The following SLC8A2 variants were observed in gnomAD, a reference collection of about 807,000 sequenced individuals.
SLC8A2 encodes sodium/calcium exchanger 2.
Under a neutral mutation model 70.2 loss-of-function variants are expected in SLC8A2, and 14 were observed. The ratio of observed to expected loss-of-function variants is 0.20; its 90% CI spans 0.13 to 0.31. The LOEUF (loss-of-function observed/expected upper bound fraction) is 0.31. Ranked by LOEUF, SLC8A2 falls within the 10% of genes least tolerant of loss-of-function variation. SLC8A2 has a pLI of 1.00. For synonymous variants in SLC8A2, 575 were observed against 594.3 expected (o/e 0.97, Z 0.47); for missense variants, 779 against 1,320.1 (o/e 0.59, Z 6.35).
At position 47,448,389 on chromosome 19, in the gene SLC8A2, G is replaced by C. The variant is rs1251761764; in HGVS notation, c.1341-158C>G. ...ACAGGCATTAAACAAGTAATACTGA[G>C]GGTGAATCGGGGTGGGCGTCCTGGA... On this transcript the variant is annotated intron_variant, in intron 3 of 9. Coordinates refer to ENST00000236877, the MANE Select transcript of SLC8A2 (RefSeq NM_015063.3). The surrounding 1 kb of genome is among the most constrained non-coding windows in gnomAD (Gnocchi z 4.8). 6.6e-6 allele frequency among the ~76,000 whole-genome samples: 1 copy of C among 152,210 alleles called. No individual in the cohort carries two copies. The highest frequency in any genetic ancestry group is 1.5e-5 in the Non-Finnish European group (1 of 68,030).
At position 47,430,528 on chromosome 19, in the gene SLC8A2, C is replaced by T. The variant is rs922555127; in HGVS notation, c.2390-63G>A. 14 of 1,460,310 alleles carry T rather than the reference C, an allele frequency of 9.6e-6. No individual in the cohort carries two copies. In the African/African-American group the frequency reaches 9.8e-5, roughly 10 times the overall value. 90.5% of individuals were successfully genotyped at this position (1,460,310 alleles called of 1,614,324 possible). On this transcript the variant is annotated intron_variant, in intron 9 of 9. Transcript: ENST00000236877. The surrounding 1 kb of genome is among the most constrained non-coding windows in gnomAD (Gnocchi z 5.9). Reference sequence around the variant, plus strand: ...GCCGCCACCCACAGGGGCGGGCATCCGCCTGCCCCCTCCCAGCCTTTCCCG... The same window carrying T: ...GCCGCCACCCACAGGGGCGGGCATCTGCCTGCCCCCTCCCAGCCTTTCCCG...
At chr19:47,452,443 AGAGTGTGTGTGTGT>A (rs1967254169) in intron 3 of SLC8A2, among the ~76,000 whole-genome samples, 2 of 55,726 alleles carry the variant, frequency 3.6e-5, no homozygotes, top group East Asian at 5.2e-4. Context: ...AGAGAGAGAG[AGAGTGTGTGTGTGT>A]GTGTGTGTGT....
In SLC8A2 at chr19:47,432,895, C is replaced by T. The variant is rs1966983073; in HGVS notation, c.2111-450G>A. ...GCCCAGGTGACAAATATTTATTTTCCCAGAATCCCTTGCACCTAAATGTGG... is the reference window on the plus strand; with the variant it reads ...GCCCAGGTGACAAATATTTATTTTCTCAGAATCCCTTGCACCTAAATGTGG... On this transcript the variant is annotated intron_variant, in intron 8 of 9. Transcript: ENST00000236877. The surrounding 1 kb of genome is among the most constrained non-coding windows in gnomAD (Gnocchi z 6.2). 6.6e-6 allele frequency among the ~76,000 whole-genome samples: 1 copy of T among 152,000 alleles called. No homozygotes were observed. The highest frequency in any genetic ancestry group is 6.6e-5 in the Admixed American group (1 of 15,254).
At chr19:47,452,427 AGAGAGAGAGAGAGAGAGAGTGTGT>A (rs1464748486) in intron 3 of SLC8A2, among the ~76,000 whole-genome samples, 100 of 120,558 alleles carry the variant, frequency 8.3e-4, no homozygotes, top group African/African-American at 2.3e-3. Flanking sequence ...AGAGAGAGAG[AGAGAGAGAGAGAGAGAGAGTGTGT>A]GTGTGTGTGT....
Position 47,468,037 on chromosome 19 carries a change from C to A in SLC8A2, c.-16-1618G>T, listed in dbSNP as rs1967486121. 6.6e-6 allele frequency among the ~76,000 whole-genome samples: 1 copy of A among 151,740 alleles called. No individual in the cohort carries two copies. Among genetic ancestry groups the A allele is most frequent in the South Asian group, 2.1e-4 (1 of 4,806 alleles). ...AAAACAAAACCAAAAACAAAGCCCA[C>A]AAATCAGCTTGCCTCATCCCCCTAC... On this transcript the variant is annotated intron_variant, in intron 1 of 9. Coordinates refer to ENST00000236877, the MANE Select transcript of SLC8A2 (RefSeq NM_015063.3). The surrounding 1 kb of genome is among the most constrained non-coding windows in gnomAD (Gnocchi z 5.1).
At chr19:47,441,244 C>T in intron 5 of SLC8A2, 58 bp from the exon 6 acceptor site, 1 of 1,608,166 alleles carries the variant, frequency 6.2e-7, no homozygotes, top group East Asian at 2.2e-5. Flanking sequence ...AGCTCAGGTC[C>T]ACGAGCTTTA....
At chr19:47,470,828 G>A (rs1336866792) in intron 1 of SLC8A2, among the ~76,000 whole-genome samples, 1 of 152,178 alleles carries the variant, frequency 6.6e-6, no homozygotes, top group South Asian at 2.1e-4. Flanking sequence ...AAACAAGGCA[G>A]GGGGAGGTGG....
In SLC8A2 at chr19:47,457,445, G is replaced by A. The variant is rs746285282; in HGVS notation, c.825C>T (p.Asp275=). ...RSGIIIGAEG[D]PPKSIELDGT... is the part of the protein sequence containing the mutation. ...CGTCCAGCTCGATGCTCTTCGGGGG[G>A]TCGCCCTCGGCGCCTATGATGATGC... The change falls in exon 3 of 10, where the codon GAC becomes GAT. Residue 275 remains aspartate (D), a synonymous_variant. Coordinates refer to ENST00000236877, the MANE Select transcript of SLC8A2 (RefSeq NM_015063.3). The A allele has an allele frequency of 7.8e-5, 125 of 1,605,310 alleles. No homozygotes were observed. The highest frequency in any genetic ancestry group is 3.3e-4 in the Middle Eastern group (2 of 6,020).
chr19:47,455,429 A>AAAC (rs1967292764), intron 3 of SLC8A2, among the ~76,000 whole-genome samples: 1 of 152,138 alleles, frequency 6.6e-6, no homozygotes, highest in African/African-American at 2.4e-5. Flanking sequence ...ATCAGTGTTT[A>AAAC]CTTCCTAACT....
chr19:47,458,250 C>T (rs562811230), intron 2 of SLC8A2, among the ~76,000 whole-genome samples: 114 of 134,924 alleles, frequency 8.4e-4, no homozygotes, highest in African/African-American at 3.1e-3. Context: ...TCTCTCTCCC[C>T]TCTCCCCCAA....
At chr19:47,441,755 A>C (rs1967102501) in intron 4 of SLC8A2, among the ~76,000 whole-genome samples, 1 of 152,198 alleles carries the variant, frequency 6.6e-6, no homozygotes, top group African/African-American at 2.4e-5. Flanking sequence ...CAGGAGTTCA[A>C]GACCAGCCTG....
At chr19:47,464,730 G>A (rs1201325043) in intron 2 of SLC8A2, among the ~76,000 whole-genome samples, 2 of 152,146 alleles carry the variant, frequency 1.3e-5, no homozygotes, top group Admixed American at 6.6e-5. Flanking sequence ...TTACACACAT[G>A]TGTGAATGAA....
chr19:47,454,488 C>CT (rs1249723135), intron 3 of SLC8A2, among the ~76,000 whole-genome samples: 8 of 152,102 alleles, frequency 5.3e-5, no homozygotes, highest in Non-Finnish European at 1.0e-4. Flanking sequence ...GACAGTGTCT[C>CT]ACTCTGTCAC....
intron 4 of SLC8A2, among the ~76,000 whole-genome samples, chr19:47,445,062 C>A (rs1289065541): frequency 1.1e-4 from 16 of 151,308 alleles, no homozygotes; most frequent in Non-Finnish European, 2.9e-5. Flanking sequence ...ATCCACCTCT[C>A]TCCCTCCCTC....
chr19:47,438,530 T>C (rs1180867048), intron 6 of SLC8A2, among the ~76,000 whole-genome samples: 3 of 152,036 alleles, frequency 2.0e-5, no homozygotes, highest in Non-Finnish European at 2.9e-5. Flanking sequence ...GCACAAATCT[T>C]GGAACCAGAC....
chr19:47,446,028 G>A (rs1217216289), intron 4 of SLC8A2, among the ~76,000 whole-genome samples: 1 of 152,234 alleles, frequency 6.6e-6, no homozygotes, highest in African/African-American at 2.4e-5. Context: ...GAGACGCAGA[G>A]ACCCAGAGAG....
chr19:47,457,064 G>A lies in SLC8A2; in HGVS notation c.1206C>T (p.Leu402=), dbSNP rs1345342941. 2.5e-6 allele frequency: 4 copies of A among 1,598,510 alleles called. No individual in the cohort carries two copies. Among genetic ancestry groups the A allele is most frequent in the Non-Finnish European group, 3.4e-6 (4 of 1,172,858 alleles). ...GASRIFFEPS[L]YHCLENCGSV... ...AGCCGCAGTTCTCCAGGCAGTGGTA[G>A]AGGCTAGGCTCGAAGAAGATGCGGC... is the stretch of plus-strand genomic sequence containing the variant. The change falls in exon 3 of 10, where the codon CTC becomes CTT. Residue 402 remains leucine, a synonymous_variant. Coordinates refer to ENST00000236877, the MANE Select transcript of SLC8A2 (RefSeq NM_015063.3).
Position 47,430,557 on chromosome 19 carries a change from G to T in SLC8A2, c.2390-92C>A, listed in dbSNP as rs1966944389. 4 of 1,366,898 alleles carry T rather than the reference G, an allele frequency of 2.9e-6. No homozygotes were observed. In the South Asian group the frequency reaches 4.5e-5, roughly 15 times the overall value. The allele number at this position is 1,366,898 out of a possible 1,614,324, so 84.7% of individuals were successfully genotyped here. On this transcript the variant is annotated intron_variant, in intron 9 of 9. Coordinates refer to ENST00000236877, the MANE Select transcript of SLC8A2 (RefSeq NM_015063.3). This position sits in a 1 kb window ranked among gnomAD's most constrained non-coding sequence, Gnocchi z 5.9. Reference sequence around the variant, plus strand: ...TGCCCCCTCCCAGCCTTTCCCGGTCGCCTGCTTTCTGCGGGCAGTGTGGGC... The same window carrying T: ...TGCCCCCTCCCAGCCTTTCCCGGTCTCCTGCTTTCTGCGGGCAGTGTGGGC...
At chr19:47,452,439 A>AGT (rs1967252617) in intron 3 of SLC8A2, among the ~76,000 whole-genome samples, 24 of 77,840 alleles carry the variant, frequency 3.1e-4, no homozygotes, top group African/African-American at 1.3e-3. Context: ...AGAGAGAGAG[A>AGT]GAGAGAGTGT....
Sources: allele counts gnomAD v4.1 joint callset (sites outside exome capture counted in the v4.1 genomes callset), GRCh38; gene constraint gnomAD v4.1.1; non-coding constraint Gnocchi (gnomAD v3.1); transcripts MANE v1.5; gene names NCBI Gene and HGNC (gene_info 2026-07-23, HGNC 2026-07-21).